Variants in CPNE8 observed in about 807,000 individuals in gnomAD.
CPNE8 encodes copine-8.
CPNE8 carries 45 observed loss-of-function variants against 81.5 expected under a neutral mutation model. That is an observed-to-expected ratio of 0.55 (90% CI 0.44 to 0.71). The LOEUF (loss-of-function observed/expected upper bound fraction) is 0.71. Among genes scored for constraint, CPNE8 ranks in the 30% least tolerant of loss-of-function variants. The pLI is 0.00. For synonymous variants in CPNE8, 252 were observed against 226.3 expected, an observed-to-expected ratio of 1.11 and a Z score of -1.02; for missense variants, 594 against 672.1, an observed-to-expected ratio of 0.88 and a Z score of 1.28.
At chr12:38,720,502 G>A (rs1454005865) in intron 13 of CPNE8, among the ~76,000 whole-genome samples, 1 of 151,622 alleles carries the variant, frequency 6.6e-6, no homozygotes, top group Non-Finnish European at 1.5e-5. Flanking sequence ...TGCTCATAAA[G>A]CAAAACAAAA....
chr12:38,826,038 T>G (rs888560787), intron 6 of CPNE8, among the ~76,000 whole-genome samples: 4 of 152,146 alleles, frequency 2.6e-5, no homozygotes, highest in Admixed American at 1.3e-4. Flanking sequence ...ATTCCTAAGG[T>G]TTTGTTTCTT....
chr12:38,904,227 TGAG>T (rs1944529903), intron 1 of CPNE8, among the ~76,000 whole-genome samples: 1 of 152,044 alleles, frequency 6.6e-6, no homozygotes, highest in Non-Finnish European at 1.5e-5. Flanking sequence ...AATGGATAAA[TGAG>T]GAGCCAGTTT....
chr12:38,905,939 G>C (rs996258497), upstream of CPNE8: 1 of 985,272 alleles, frequency 1.0e-6, no homozygotes. Context: ...GCCCTCGCCG[G>C]CTCTGCGTGC....
chr12:38,658,388 T>C (rs1422993421), intron 19 of CPNE8, among the ~76,000 whole-genome samples: 1 of 151,794 alleles, frequency 6.6e-6, no homozygotes, highest in East Asian at 1.9e-4. Context: ...CTCCAAGAAA[T>C]ATGAGACTAT....
intron 14 of CPNE8, among the ~76,000 whole-genome samples, chr12:38,699,794 A>C (rs1250392426): frequency 6.6e-6 from 1 of 152,186 alleles, no homozygotes; most frequent in Non-Finnish European, 1.5e-5. Flanking sequence ...TTGCTAGTTA[A>C]ATTTATTCGT....
chr12:38,660,232 A>C (rs547498730), intron 19 of CPNE8, among the ~76,000 whole-genome samples: 2 of 152,344 alleles, frequency 1.3e-5, no homozygotes, highest in Admixed American at 6.5e-5. Context: ...AGGCTACAGT[A>C]ACCAAAACAG....
intron 13 of CPNE8, 24 bp downstream of exon 13, chr12:38,723,748 A>T (rs776503878): frequency 2.7e-6 from 4 of 1,489,186 alleles, no homozygotes; most frequent in Non-Finnish European, 3.7e-6. Context: ...CTAAGCAACG[A>T]AACAATTTGA....
intron 6 of CPNE8, among the ~76,000 whole-genome samples, chr12:38,799,617 T>G (rs1942602859): frequency 6.6e-6 from 1 of 152,076 alleles, no homozygotes; most frequent in African/African-American, 2.4e-5. Flanking sequence ...ACTGACACCC[T>G]AACATCACAA....
chr12:38,811,957 C>T (rs1942945604), intron 6 of CPNE8, among the ~76,000 whole-genome samples: 1 of 152,124 alleles, frequency 6.6e-6, no homozygotes, highest in South Asian at 2.1e-4. Context: ...TGGTCCCTAG[C>T]CTAGAGAGTC....
chr12:38,825,744 C>T (rs779564783), intron 6 of CPNE8, among the ~76,000 whole-genome samples: 14 of 152,196 alleles, frequency 9.2e-5, no homozygotes, highest in Non-Finnish European at 1.6e-4. Flanking sequence ...TAAAGCCAGT[C>T]TTTTCTATGT....
At position 38,814,309 on chromosome 12, in the gene CPNE8, CTTTTTTTTTT is replaced by C. The variant is rs61444154; in HGVS notation, c.407+15060_407+15069del. ...AGAAAGTTTAAGGAGCCAGACCTGG[CTTTTTTTTTT>C]TTTTTTTTTTTTTTTTTGACAGAGT... is the stretch of plus-strand genomic sequence containing the variant. On this transcript the variant is annotated intron_variant, in intron 6 of 19. Transcript: ENST00000331366. Among the ~76,000 whole-genome samples the C allele has an allele frequency of 2.4e-4, 12 of 49,170 alleles. No homozygotes were observed. The South Asian group carries it at 7.0e-3, about 29-fold the overall frequency. 32.3% of individuals were successfully genotyped at this position (49,170 alleles called of 152,430 possible). A position where few individuals can be genotyped will look rare whatever the true frequency, so the allele number is the denominator to read the frequency against.
intron 6 of CPNE8, among the ~76,000 whole-genome samples, chr12:38,783,070 T>C (rs1029984206): frequency 6.6e-6 from 1 of 152,198 alleles, no homozygotes; most frequent in Non-Finnish European, 1.5e-5. Flanking sequence ...CTTTTAACTG[T>C]ATTCTTACAT....
At chr12:38,801,265 G>A (rs1210217430) in intron 6 of CPNE8, among the ~76,000 whole-genome samples, 1 of 34,542 alleles carries the variant, frequency 2.9e-5, no homozygotes, top group African/African-American at 1.2e-4. Flanking sequence ...GAGAAAGGTC[G>A]GGTTACCCTC....
chr12:38,776,561 C>T (rs1045240077), intron 6 of CPNE8, among the ~76,000 whole-genome samples: 6 of 152,016 alleles, frequency 3.9e-5, no homozygotes, highest in African/African-American at 9.6e-5. Flanking sequence ...CCGCTCCCCT[C>T]GGCCTCCCAA....
rs557993640 is a variant in CPNE8, at chr12:38,745,406, G to T, written c.723-15048C>A. ...GGTATTTTGTTCCTGGAATTTTATT[G>T]CATTCTTGGCAGGAACATACCCTTC... On this transcript the variant is annotated intron_variant, in intron 10 of 19. Transcript: ENST00000331366. 3.3e-5 allele frequency among the ~76,000 whole-genome samples: 5 copies of T among 152,268 alleles called. No individual in the cohort carries two copies. The East Asian group carries it at 7.7e-4, about 24-fold the overall frequency.
intron 6 of CPNE8, among the ~76,000 whole-genome samples, chr12:38,798,143 G>A (rs1592099360): frequency 6.6e-6 from 1 of 152,152 alleles, no homozygotes; most frequent in Non-Finnish European, 1.5e-5. Context: ...TTATCCAGGA[G>A]AACTTCCCCA....
At chr12:38,879,568 A>G in intron 1 of CPNE8, among the ~76,000 whole-genome samples, 1 of 152,294 alleles carries the variant, frequency 6.6e-6, no homozygotes, top group East Asian at 1.9e-4. Flanking sequence ...ATGTATTTAA[A>G]GTAAAAAGTG....
intron 4 of CPNE8, among the ~76,000 whole-genome samples, chr12:38,840,324 A>G (rs1276063786): frequency 2.0e-5 from 3 of 152,144 alleles, no homozygotes; most frequent in African/African-American, 7.2e-5. Context: ...AAAACTGAAA[A>G]GCCCTCTTCT....
intron 10 of CPNE8, among the ~76,000 whole-genome samples, chr12:38,740,702 G>C (rs1941078190): frequency 6.6e-6 from 1 of 152,094 alleles, no homozygotes; most frequent in Non-Finnish European, 1.5e-5. Flanking sequence ...TTATTGATTT[G>C]CATATGTTGA....
Sources: allele counts gnomAD v4.1 joint callset (sites outside exome capture counted in the v4.1 genomes callset), GRCh38; gene constraint gnomAD v4.1.1; transcripts MANE v1.5; gene names NCBI Gene and HGNC (gene_info 2026-07-23, HGNC 2026-07-21).